The following ADAMTS19 variants were observed in gnomAD, a reference collection of about 807,000 sequenced individuals.
ADAMTS19 encodes A disintegrin and metalloproteinase with thrombospondin motifs 19.
In ADAMTS19, 93 loss-of-function variants were observed where a neutral mutation model predicts 153.3. The observed-to-expected ratio is 0.61, with a 90% CI of 0.51 to 0.72. ADAMTS19 has a LOEUF of 0.72. ADAMTS19 is among the 30% of genes least tolerant of loss of function. The pLI, the probability that ADAMTS19 is intolerant of heterozygous loss-of-function variation, is 0.00. For synonymous variants in ADAMTS19, 600 were observed against 556.6 expected, an observed-to-expected ratio of 1.08 and a Z score of -1.10; for missense variants, 1,482 against 1,552.1, an observed-to-expected ratio of 0.95 and a Z score of 0.76.
chr5:129,636,587 A>G lies in ADAMTS19; in HGVS notation c.1771-5272A>G, dbSNP rs569548921. Among the ~76,000 whole-genome samples the G allele has an allele frequency of 1.4e-4, 21 of 152,292 alleles. 1 individual carries two copies. Among genetic ancestry groups the G allele is most frequent in the African/African-American group, 3.6e-4 (15 of 41,564 alleles). On this transcript the variant is annotated intron_variant, in intron 10 of 22. Transcript: ENST00000274487. ...GGGTTACATTTCCCTTTCTATGCCT[A>G]TCACTCAACTTCTGCCAGTAGCTAT...
At chr5:129,666,182 TTTAA>T (rs1285782283) in intron 16 of ADAMTS19, among the ~76,000 whole-genome samples, 4 of 151,918 alleles carry the variant, frequency 2.6e-5, no homozygotes. Context: ...ATTTTAATAG[TTTAA>T]TTAGGTCAAT....
chr5:129,577,819 A>C (rs1749226080), intron 7 of ADAMTS19, among the ~76,000 whole-genome samples: 1 of 151,866 alleles, frequency 6.6e-6, no homozygotes, highest in Non-Finnish European at 1.5e-5. Flanking sequence ...AATTGTAGAG[A>C]TGTTTCCTTA....
intron 6 of ADAMTS19, among the ~76,000 whole-genome samples, chr5:129,551,566 T>C (rs1753119276): frequency 1.3e-5 from 2 of 150,988 alleles, no homozygotes; most frequent in African/African-American, 4.9e-5. Flanking sequence ...CAGATTTTTT[T>C]GTAATAAAAC....
intron 2 of ADAMTS19, among the ~76,000 whole-genome samples, chr5:129,493,259 G>T (rs1750824233): frequency 6.6e-6 from 1 of 152,034 alleles, no homozygotes; most frequent in Non-Finnish European, 1.5e-5. Context: ...ATTGCTATTT[G>T]AAACATTGAA....
chr5:129,539,613 T>G (rs1373563465), intron 6 of ADAMTS19, among the ~76,000 whole-genome samples: 1 of 152,110 alleles, frequency 6.6e-6, no homozygotes, highest in Non-Finnish European at 1.5e-5. Context: ...GCTGACATAC[T>G]ATATATTGCA....
intron 15 of ADAMTS19, among the ~76,000 whole-genome samples, chr5:129,661,589 G>A (rs978034203): frequency 6.6e-6 from 1 of 152,130 alleles, no homozygotes; most frequent in Non-Finnish European, 1.5e-5. Context: ...GCTCTATTTA[G>A]AGTTTACTAA....
At chr5:129,472,651 T>C (rs1361921128) in intron 2 of ADAMTS19, among the ~76,000 whole-genome samples, 2 of 152,084 alleles carry the variant, frequency 1.3e-5, no homozygotes, top group Non-Finnish European at 2.9e-5. Context: ...CTTCCTATTC[T>C]AGAATCTGGA....
In ADAMTS19 at chr5:129,725,698, G is replaced by C. The variant is rs947853062; in HGVS notation, c.3313-9234G>C. Reference sequence around the variant, plus strand: ...ATGGTCGCCTGACATTCCTGGTTGCGGGGGAGGGAGAGTCCCACTTCTGCC... The same window carrying C: ...ATGGTCGCCTGACATTCCTGGTTGCCGGGGAGGGAGAGTCCCACTTCTGCC... On this transcript the variant is annotated intron_variant, in intron 21 of 22. Transcript: ENST00000274487. 3.3e-5 allele frequency among the ~76,000 whole-genome samples: 5 copies of C among 152,090 alleles called. No homozygotes were observed. The South Asian group carries it at 6.2e-4, about 19-fold the overall frequency.
intron 21 of ADAMTS19, among the ~76,000 whole-genome samples, chr5:129,705,166 A>G (rs1196240635): frequency 6.6e-6 from 1 of 152,100 alleles, no homozygotes. Context: ...ATGAAATCAT[A>G]AAATTATAGG....
chr5:129,710,232 C>T (rs1029348872), intron 21 of ADAMTS19, among the ~76,000 whole-genome samples: 1 of 152,156 alleles, frequency 6.6e-6, no homozygotes, highest in Non-Finnish European at 1.5e-5. Flanking sequence ...GTTTGCTTTT[C>T]TGTTCCTGTG....
At chr5:129,653,362 A>T (rs1459511972) in intron 13 of ADAMTS19, among the ~76,000 whole-genome samples, 2 of 152,222 alleles carry the variant, frequency 1.3e-5, no homozygotes, top group African/African-American at 4.8e-5. Flanking sequence ...TAGTGTTACC[A>T]AATACTGCAG....
At chr5:129,534,206 C>A (rs896355577) in intron 6 of ADAMTS19, among the ~76,000 whole-genome samples, 1 of 152,054 alleles carries the variant, frequency 6.6e-6, no homozygotes, top group Non-Finnish European at 1.5e-5. Flanking sequence ...GTTAAAGTCT[C>A]CCATTATTAA....
chr5:129,534,197 T>A (rs1470920232), intron 6 of ADAMTS19, among the ~76,000 whole-genome samples: 1 of 152,126 alleles, frequency 6.6e-6, no homozygotes, highest in African/African-American at 2.4e-5. Context: ...CAGTGGGGTG[T>A]TAAAGTCTCC....
intron 21 of ADAMTS19, among the ~76,000 whole-genome samples, chr5:129,720,419 C>A (rs1376395046): frequency 6.6e-6 from 1 of 151,990 alleles, no homozygotes. Flanking sequence ...ACCTTGGCCT[C>A]CCAAAATGCT....
chr5:129,543,516 T>C (rs1282805030), intron 6 of ADAMTS19, among the ~76,000 whole-genome samples: 2 of 152,218 alleles, frequency 1.3e-5, no homozygotes, highest in Non-Finnish European at 2.9e-5. Context: ...TTATGTCTAC[T>C]GTGTTTTAGG....
intron 19 of ADAMTS19, 28 bp downstream of exon 19, chr5:129,694,883 C>A: frequency 6.7e-7 from 1 of 1,496,904 alleles, no homozygotes; most frequent in Admixed American, 2.1e-5. Flanking sequence ...GCCCTTAAAG[C>A]ATTATTTGTC....
intron 21 of ADAMTS19, among the ~76,000 whole-genome samples, chr5:129,706,194 T>G (rs1252212735): frequency 6.6e-6 from 1 of 152,228 alleles, no homozygotes; most frequent in East Asian, 1.9e-4. Flanking sequence ...TTTCTTAGAA[T>G]GAAACCATTC....
At chr5:129,708,590 C>CAAAAAAAAAAAAAAAA (rs1174701520) in intron 21 of ADAMTS19, among the ~76,000 whole-genome samples, 1 of 61,814 alleles carries the variant, frequency 1.6e-5, no homozygotes, top group Non-Finnish European at 2.9e-5. Context: ...AGCAGAGAAG[C>CAAAAAAAAAAAAAAAA]AAAAAAAAAA....
Position 129,665,516 on chromosome 5 carries a change from G to C in ADAMTS19, c.2443G>C (p.Val815Leu). The change falls in exon 16 of 23, where the codon GTG becomes CTG. Residue 815 changes from valine (V) to leucine (L), a missense_variant. Physicochemically the swap from Val to Leu is conservative, Grantham distance 32. Around this residue, in one of 2 missense-constraint regions of ADAMTS19, gnomAD observed 616 missense variants for 724.4 expected, o/e 0.85. Coordinates refer to ENST00000274487, the MANE Select transcript of ADAMTS19 (RefSeq NM_133638.6). ...TCTTACAGGTTATGTAGAAGTGCTG[G>C]TGATACCTGCTGGAGCAAGAAGAAT... ...TRGAGYVEVL[V>L]IPAGARRIKV... The C allele has an allele frequency of 6.2e-7, 1 of 1,609,950 alleles. No individual in the cohort carries two copies. The highest frequency in any genetic ancestry group is 8.5e-7 in the Non-Finnish European group (1 of 1,177,298).
Sources: allele counts gnomAD v4.1 joint callset (sites outside exome capture counted in the v4.1 genomes callset), GRCh38; gene constraint gnomAD v4.1.1; regional missense constraint gnomAD v4.1.1; transcripts MANE v1.5; gene names NCBI Gene and HGNC (gene_info 2026-07-23, HGNC 2026-07-21).